Variants in NFATC2 observed in about 807,000 individuals in gnomAD.
NFATC2 encodes the protein nuclear factor of activated T-cells, cytoplasmic 2.
Under a neutral mutation model 87.3 loss-of-function variants are expected in NFATC2, and 22 were observed. The observed-to-expected ratio is 0.25, with a 90% CI of 0.18 to 0.36. NFATC2 has a LOEUF of 0.36. Among genes scored for constraint, NFATC2 ranks in the 10% least tolerant of loss-of-function variants. NFATC2 has a pLI of 1.00. For synonymous variants in NFATC2, 565 were observed against 542.2 expected (o/e 1.04, Z -0.58); for missense variants, 1,149 against 1,259.1 (o/e 0.91, Z 1.32).
At chr20:51,484,080 A>C (rs1310196438) in intron 3 of NFATC2, among the ~76,000 whole-genome samples, 1 of 151,126 alleles carries the variant, frequency 6.6e-6, no homozygotes, top group Non-Finnish European at 1.5e-5. Flanking sequence ...CTGCTTCTCC[A>C]TCTCCCACCC....
At chr20:51,555,026 C>A (rs1034853264) in intron 1 of NFATC2, among the ~76,000 whole-genome samples, 5 of 152,144 alleles carry the variant, frequency 3.3e-5, no homozygotes, top group Admixed American at 2.0e-4. Flanking sequence ...AGTTTGAGAA[C>A]CCTAAAGGAG....
At chr20:51,551,561 C>T (rs1474291466) in intron 1 of NFATC2, among the ~76,000 whole-genome samples, 1 of 151,254 alleles carries the variant, frequency 6.6e-6, no homozygotes, top group Non-Finnish European at 1.5e-5. Context: ...TGCCACCATG[C>T]CCTGCTATTT....
intron 6 of NFATC2, among the ~76,000 whole-genome samples, chr20:51,450,314 A>T (rs1985613646): frequency 6.6e-6 from 1 of 152,226 alleles, no homozygotes; most frequent in South Asian, 2.1e-4. Context: ...CACCTGGGGC[A>T]GCATGTATCA....
chr20:51,490,447 A>G (rs1048331448), intron 3 of NFATC2, among the ~76,000 whole-genome samples: 8 of 152,142 alleles, frequency 5.3e-5, no homozygotes, highest in African/African-American at 1.9e-4. Context: ...TGGACACACC[A>G]CTGTTCCCCA....
chr20:51,504,832 C>T (rs2146643269), intron 3 of NFATC2, among the ~76,000 whole-genome samples: 1 of 152,114 alleles, frequency 6.6e-6, no homozygotes, highest in South Asian at 2.1e-4. Flanking sequence ...CTGTCACCTC[C>T]CCTGCAGTCT....
rs397864888 is a variant in NFATC2 at position 51,540,658 on chromosome 20, GT to G, written c.130+1711del. On this transcript the variant is annotated intron_variant, in intron 1 of 10. Coordinates refer to ENST00000371564, the MANE Select transcript of NFATC2 (RefSeq NM_012340.5). ...TTCCAAAAACTGAAGTTTTTTTTTT[GT>G]TTTTTTTTTTTTGAGAAAACAGATT... Among the ~76,000 whole-genome samples the G allele has an allele frequency of 2.8e-3, 313 of 110,062 alleles. 13 individuals are homozygous for G. The highest frequency in any genetic ancestry group is 0.01 in the African/African-American group (277 of 26,948). The allele number at this position is 110,062 out of a possible 152,430, so 72.2% of individuals were successfully genotyped here. A position where few individuals can be genotyped will look rare whatever the true frequency, so the allele number is the denominator to read the frequency against.
chr20:51,421,073 TAAAA>T lies in NFATC2; in HGVS notation c.2722+10990_2722+10993del, dbSNP rs5841842. Among the ~76,000 whole-genome samples the T allele has an allele frequency of 3.5e-3, 451 of 130,408 alleles. 4 individuals carry two copies. Among genetic ancestry groups the T allele is most frequent in the African/African-American group, 0.011 (404 of 36,282 alleles). The allele number at this position is 130,408 out of a possible 152,430, so 85.6% of individuals were successfully genotyped here. On this transcript the variant is annotated intron_variant, in intron 9 of 10. Coordinates refer to ENST00000371564, the MANE Select transcript of NFATC2 (RefSeq NM_012340.5). ...GGCAACATAGCAAGACCCTATGTCT[TAAAA>T]AAAAAAAAAAACAAAAAAAACTAAT... is the stretch of plus-strand genomic sequence containing the variant.
At chr20:51,431,143 AAT>A (rs1275544162) in intron 9 of NFATC2, among the ~76,000 whole-genome samples, 1 of 152,126 alleles carries the variant, frequency 6.6e-6, no homozygotes, top group Admixed American at 6.5e-5. Flanking sequence ...GTACCCCACA[AAT>A]ATATATACCT....
chr20:51,434,454 T>C (rs1295444645), intron 8 of NFATC2, among the ~76,000 whole-genome samples: 1 of 152,218 alleles, frequency 6.6e-6, no homozygotes, highest in Non-Finnish European at 1.5e-5. Flanking sequence ...GAAGCATTTT[T>C]AAAATTTAAA....
At position 51,474,141 on chromosome 20, in the gene NFATC2, G is replaced by A. The variant is rs775920655; in HGVS notation, c.1547C>T (p.Ala516Val). The change falls in exon 5 of 11, where the codon GCG becomes GTG. Residue 516 changes from alanine to valine, a missense_variant. Physicochemically the swap from Ala to Val is moderately conservative, Grantham distance 64 (BLOSUM62 0). Coordinates refer to ENST00000371564, the MANE Select transcript of NFATC2 (RefSeq NM_012340.5). ...KNNMRATIDC[A>V]GILKLRNADI... is the part of the protein sequence containing the mutation. ...GGCGTTTCTAAGCTTCAAGATCCCC[G>A]CACAGTCGATGCTGCCAGGATGTTA... 1.1e-5 allele frequency: 17 copies of A among 1,613,868 alleles called. No homozygotes were observed. In the East Asian group the frequency reaches 2.0e-4, roughly 19 times the overall value.
intron 3 of NFATC2, among the ~76,000 whole-genome samples, chr20:51,505,334 T>TA (rs1359469946): frequency 6.6e-6 from 1 of 151,630 alleles, no homozygotes; most frequent in Non-Finnish European, 1.5e-5. Context: ...CCTGTACTTT[T>TA]AAAAAAATGA....
In NFATC2 at chr20:51,523,056, C is replaced by G. The variant is rs768068205; in HGVS notation, c.1160+25G>C. On this transcript the variant is annotated intron_variant, in intron 2 of 10. Transcript: ENST00000371564. This position sits in a 1 kb window ranked among gnomAD's most constrained non-coding sequence, Gnocchi z 6.9. Reference sequence around the variant, plus strand: ...ATCTCTTAAAACTAAACCACAGAATCAATCATTTTCAAAGCCCTGCTCACC... The same window carrying G: ...ATCTCTTAAAACTAAACCACAGAATGAATCATTTTCAAAGCCCTGCTCACC... The G allele has an allele frequency of 3.0e-5, 48 of 1,613,394 alleles. No homozygotes were observed. In the Middle Eastern group the frequency reaches 9.9e-4, roughly 33 times the overall value.
At chr20:51,512,074 G>A (rs184631734) in intron 3 of NFATC2, among the ~76,000 whole-genome samples, 3 of 152,172 alleles carry the variant, frequency 2.0e-5, no homozygotes, top group Admixed American at 2.0e-4. Flanking sequence ...ACTCTCCCCC[G>A]ACTAAGAGAG....
chr20:51,537,170 G>C (rs1436182859), intron 1 of NFATC2, among the ~76,000 whole-genome samples: 1 of 151,850 alleles, frequency 6.6e-6, no homozygotes, highest in South Asian at 2.1e-4. Flanking sequence ...GGACACAGAA[G>C]GGTCTGTGAG....
chr20:51,452,566 G>C (rs1985934961), intron 6 of NFATC2, among the ~76,000 whole-genome samples: 1 of 152,154 alleles, frequency 6.6e-6, no homozygotes, highest in South Asian at 2.1e-4. Context: ...GTGAGATCAT[G>C]GTTCATCCAA....
intron 3 of NFATC2, among the ~76,000 whole-genome samples, chr20:51,483,030 G>A (rs915187090): frequency 6.6e-6 from 1 of 152,178 alleles, no homozygotes; most frequent in Admixed American, 6.5e-5. Flanking sequence ...TCCTGAGAGT[G>A]AGCCCCACTC....
At chr20:51,520,560 C>T (rs4811188) in intron 2 of NFATC2, among the ~76,000 whole-genome samples, 114,881 of 151,206 alleles carry the variant, frequency 0.76, 43,677 homozygotes, top group Middle Eastern at 0.8. Flanking sequence ...GAAAAGTGAA[C>T]GAAGGGTAAA....
At chr20:51,507,390 A>G (rs1017394343) in intron 3 of NFATC2, among the ~76,000 whole-genome samples, 1 of 152,212 alleles carries the variant, frequency 6.6e-6, no homozygotes, top group African/African-American at 2.4e-5. Flanking sequence ...CTGGTCTCAG[A>G]CGTGGTTAAT....
rs557312084 is a variant in NFATC2 at position 51,400,885 on chromosome 20, T to A, written c.2723-2155A>T. On this transcript the variant is annotated intron_variant, in intron 9 of 10. Coordinates refer to ENST00000371564, the MANE Select transcript of NFATC2 (RefSeq NM_012340.5). Reference sequence around the variant, plus strand: ...GAGACCAGATGTGGCCCCAGCTCTATGGGTACTAGTCCTGGGCTAGGGTTT... The same window carrying A: ...GAGACCAGATGTGGCCCCAGCTCTAAGGGTACTAGTCCTGGGCTAGGGTTT... 1.0e-3 allele frequency among the ~76,000 whole-genome samples: 156 copies of A among 152,314 alleles called. 1 individual carries two copies. The highest frequency in any genetic ancestry group is 3.4e-3 in the Middle Eastern group (1 of 294).
Sources: gnomAD v4.1 joint callset for allele counts (sites outside exome capture counted in the v4.1 genomes callset) on GRCh38, gnomAD v4.1.1 for gene constraint, Gnocchi (gnomAD v3.1) non-coding constraint, MANE v1.5 for transcripts, NCBI Gene and HGNC (gene_info 2026-07-23, HGNC 2026-07-21) for gene names.